Variants in COPB1 observed in about 807,000 individuals in gnomAD.
COPB1 encodes coat protein complex I subunit beta 1.
Under a neutral mutation model 108.7 loss-of-function variants are expected in COPB1, and 21 were observed. The observed-to-expected ratio is 0.19, with a 90% CI of 0.14 to 0.28. COPB1 has a LOEUF of 0.28. Among genes scored for constraint, COPB1 ranks in the 10% least tolerant of loss-of-function variants. COPB1 has a pLI of 1.00. For synonymous variants in COPB1, 378 were observed against 386.8 expected, an observed-to-expected ratio of 0.98 and a Z score of 0.27; for missense variants, 919 against 1,141.3, an observed-to-expected ratio of 0.81 and a Z score of 2.81.
chr11:14,496,952 C>T (rs1344235193), intron 2 of COPB1, among the ~76,000 whole-genome samples: 1 of 152,162 alleles, frequency 6.6e-6, no homozygotes, highest in African/African-American at 2.4e-5. Flanking sequence ...GGAGAAAAGA[C>T]AGTCCCTTCA....
chr11:14,469,564 C>CCCTT lies in COPB1; in HGVS notation c.1738-2_1738-1insAAGG. Reference sequence around the variant, plus strand: ...GCAACATAGCCTCAGCAACAAAAGACTAAGAAAGTAAAGAAATCGGTTACT... The same window carrying CCCTT: ...GCAACATAGCCTCAGCAACAAAAGACCCTTTAAGAAAGTAAAGAAATCGGTTACT... On this transcript the variant is annotated splice_acceptor_variant, in intron 14 of 21. Coordinates refer to ENST00000439561, the MANE Select transcript of COPB1 (RefSeq NM_001144061.2). LOFTEE classifies it high-confidence loss of function. 6.2e-7 allele frequency: 1 copy of CCCTT among 1,612,752 alleles called. No homozygotes were observed.
intron 20 of COPB1, among the ~76,000 whole-genome samples, chr11:14,459,571 C>A (rs111369289): frequency 6.6e-6 from 1 of 152,060 alleles, no homozygotes; most frequent in South Asian, 2.1e-4. Flanking sequence ...TCAGAGCCCA[C>A]GGAAGAGCTC....
intron 6 of COPB1, among the ~76,000 whole-genome samples, chr11:14,487,190 T>C (rs1850792043): frequency 6.6e-6 from 1 of 152,222 alleles, no homozygotes; most frequent in Non-Finnish European, 1.5e-5. Flanking sequence ...AAATATCCCT[T>C]ATTTTTTCTC....
rs751143938 is a variant in COPB1 at position 14,476,933 on chromosome 11, T to C, written c.1441A>G (p.Arg481Gly). 1 of 1,606,280 alleles carries C rather than the reference T, an allele frequency of 6.2e-7. No homozygotes were observed. Among genetic ancestry groups the C allele is most frequent in the South Asian group, 1.1e-5 (1 of 90,936 alleles). The change falls in exon 12 of 22, where the codon AGG becomes GGG. Residue 481 changes from arginine to glycine, a missense_variant. Transcript: ENST00000439561. ...DIQSVMTEIR[R>G]SLGEIPIVES... The stretch of plus-strand genomic sequence containing the variant: ...GTAAAACATACCTCTCCAAGGGACC[T>C]GCGGATCTCAGTCATCACACTCTGA...
intron 14 of COPB1, among the ~76,000 whole-genome samples, chr11:14,472,597 G>C (rs758813198): frequency 6.6e-6 from 1 of 152,228 alleles, no homozygotes; most frequent in Non-Finnish European, 1.5e-5. Context: ...CAAAGTCCTA[G>C]ATGGCATCTT....
chr11:14,493,455 T>C (rs1321927571), intron 4 of COPB1, among the ~76,000 whole-genome samples, 187 bp downstream of exon 4: 1 of 152,212 alleles, frequency 6.6e-6, no homozygotes, highest in Non-Finnish European at 1.5e-5. Context: ...AATGTTGTCT[T>C]GTGGAAGCTA....
intron 20 of COPB1, among the ~76,000 whole-genome samples, chr11:14,459,031 A>G (rs1316234668): frequency 6.6e-6 from 1 of 152,088 alleles, no homozygotes; most frequent in African/African-American, 2.4e-5. Context: ...GCCTCCCAAA[A>G]TGCTGGGACT....
At chr11:14,498,743 T>C in intron 2 of COPB1, 95 bp downstream of exon 2, 1 of 975,926 alleles carries the variant, frequency 1.0e-6, no homozygotes, top group Non-Finnish European at 1.5e-6. Flanking sequence ...AGACAAAAAT[T>C]AAGCATTTCT....
intron 18 of COPB1, among the ~76,000 whole-genome samples, chr11:14,464,422 C>A (rs939704393): frequency 6.6e-6 from 1 of 152,176 alleles, no homozygotes; most frequent in African/African-American, 2.4e-5. Context: ...TTGTTCCTCA[C>A]CATGGTAGCC....
intron 5 of COPB1, 61 bp from the exon 6 acceptor site, chr11:14,488,645 A>T (rs1311118403): frequency 4.9e-6 from 5 of 1,025,944 alleles, no homozygotes; most frequent in Non-Finnish European, 7.1e-6. Context: ...GACTTAATGC[A>T]TCTTAAAAAA....
intron 12 of COPB1, 51 bp from the exon 13 acceptor site, chr11:14,475,996 A>G (rs1021418093): frequency 1.3e-5 from 18 of 1,426,914 alleles, no homozygotes; most frequent in Non-Finnish European, 1.6e-5. Context: ...ACAGCAAGCA[A>G]AATTATCTTT....
Position 14,458,686 on chromosome 11 carries a change from G to A in COPB1, c.2648C>T (p.Ala883Val). 2 of 1,608,180 alleles carry A rather than the reference G, an allele frequency of 1.2e-6. No individual in the cohort carries two copies. Among genetic ancestry groups the A allele is most frequent in the Non-Finnish European group, 1.7e-6 (2 of 1,177,966 alleles). Reference protein sequence around the residue: ...TNMKCLTPEKALSGYCGFMAA... With the variant: ...TNMKCLTPEKVLSGYCGFMAA... ...CATAAAGCCACAGTAACCAGAAAGG[G>A]CCTGGAAAAAATTTGTGATAAATTC... Residue 883 changes from alanine to valine, a missense_variant and splice_region_variant, in exon 21 of 22, where the codon GCC (alanine) becomes GTC (valine). Around this residue, in one of 5 missense-constraint regions of COPB1, gnomAD observed 705 missense variants for 817.8 expected, o/e 0.86. Transcript: ENST00000439561.
intron 11 of COPB1, 109 bp downstream of exon 11, chr11:14,479,460 T>C: frequency 9.7e-7 from 1 of 1,033,070 alleles, no homozygotes; most frequent in Non-Finnish European, 1.4e-6. Flanking sequence ...ACTTGTCTTA[T>C]TTTGGCTTGA....
chr11:14,460,403 A>G, intron 19 of COPB1, 106 bp from the exon 20 acceptor site: 1 of 666,484 alleles, frequency 1.5e-6, no homozygotes, highest in South Asian at 1.9e-5. Context: ...TTTAGGTTGG[A>G]AAGAGTAGAC....
At position 14,468,904 on chromosome 11, in the gene COPB1, T is replaced by C. The variant is rs776080692; in HGVS notation, c.1966-44A>G. On this transcript the variant is annotated intron_variant, in intron 15 of 21. Transcript: ENST00000439561. The stretch of plus-strand genomic sequence containing the variant: ...AAAGTCTCTCTTTAATATGAAAAGA[T>C]AGTTTTTTAGAGGCTTTTGACAGAG... The C allele has an allele frequency of 2.3e-5, 36 of 1,533,530 alleles. No homozygotes were observed. In the East Asian group the frequency reaches 3.8e-4, roughly 16 times the overall value. 95.0% of individuals were successfully genotyped at this position (1,533,530 alleles called of 1,614,324 possible).
rs373697504 is a variant in COPB1, at chr11:14,494,451, ATTT to A, written c.92-15_92-13del. 3,465 of 1,354,364 alleles carry A rather than the reference ATTT, an allele frequency of 2.6e-3. 62 individuals carry two copies. In the African/African-American group the frequency reaches 0.045, roughly 18 times the overall value. The allele number at this position is 1,354,364 out of a possible 1,614,324, so 83.9% of individuals were successfully genotyped here. On this transcript the variant is annotated splice_polypyrimidine_tract_variant and intron_variant, in intron 2 of 21. Transcript: ENST00000439561. ...TACATCTCCTTTTTCTGAATCAAAA[ATTT>A]TTTTAAAAAAAAGCACAATTATTTC...
intron 6 of COPB1, among the ~76,000 whole-genome samples, chr11:14,486,883 A>G (rs1850787208): frequency 6.6e-6 from 1 of 152,234 alleles, no homozygotes; most frequent in Non-Finnish European, 1.5e-5. Context: ...GAAAGAGAAA[A>G]AGAAAATGTA....
At chr11:14,488,644 C>A (rs1031016084) in intron 5 of COPB1, 60 bp from the exon 6 acceptor site, 3 of 1,087,274 alleles carry the variant, frequency 2.8e-6, no homozygotes, top group Admixed American at 2.2e-5. Context: ...GGACTTAATG[C>A]ATCTTAAAAA....
At chr11:14,486,541 G>A (rs1589965449) in intron 6 of COPB1, 37 bp from the exon 7 acceptor site, 2 of 1,602,762 alleles carry the variant, frequency 1.2e-6, no homozygotes, top group Non-Finnish European at 1.7e-6. Context: ...ACCGATTTCA[G>A]GAACGCTTGT....
Sources: allele counts gnomAD v4.1 joint callset (sites outside exome capture counted in the v4.1 genomes callset), GRCh38; gene constraint gnomAD v4.1.1; regional missense constraint gnomAD v4.1.1; transcripts MANE v1.5; gene names NCBI Gene and HGNC (gene_info 2026-07-23, HGNC 2026-07-21).